LHFPL1: variants seen among roughly 807,000 people sequenced by gnomAD.
The protein encoded by LHFPL1 is LHFPL tetraspan subfamily member 1.
In LHFPL1, 4 loss-of-function variants were observed where a neutral mutation model predicts 12.1. The ratio of observed to expected loss-of-function variants is 0.33; its 90% CI spans 0.16 to 0.76. The LOEUF (loss-of-function observed/expected upper bound fraction) is 0.76, where lower values mean the gene tolerates loss of function less well. Among genes scored for constraint, LHFPL1 ranks in the 30% least tolerant of loss-of-function variants. LHFPL1 has a pLI of 0.61. For missense variants in LHFPL1, 141 were observed against 174.1 expected (o/e 0.81, Z 1.07); for synonymous variants, 52 against 61.9 (o/e 0.84, Z 0.75).
chrX:112,661,987 T>C (rs1237254011), intron 2 of LHFPL1, among the ~76,000 whole-genome samples: 1 of 111,966 alleles, frequency 8.9e-6, no homozygotes, highest in Non-Finnish European at 1.9e-5. Flanking sequence ...GAAACAGACA[T>C]ACCATGAGAA....
intron 3 of LHFPL1, among the ~76,000 whole-genome samples, chrX:112,656,508 C>G (rs755634419): frequency 9.0e-6 from 1 of 111,665 alleles, no homozygotes; most frequent in South Asian, 3.7e-4. Context: ...CCTGGAGGTT[C>G]TTGCAAGGGC....
chrX:112,633,418 C>G (rs1263759761), intron 3 of LHFPL1, among the ~76,000 whole-genome samples: 2 of 112,557 alleles, frequency 1.8e-5, no homozygotes, highest in Non-Finnish European at 3.7e-5. Flanking sequence ...TTGCCTAAAA[C>G]ATTCACTGCA....
intron 3 of LHFPL1, among the ~76,000 whole-genome samples, chrX:112,642,599 G>A (rs1332233943): frequency 9.3e-6 from 1 of 107,947 alleles, no homozygotes; most frequent in East Asian, 3.0e-4. Flanking sequence ...CAGTCATTGA[G>A]CCTACTAGGC....
rs1286609141 is a variant in LHFPL1, at chrX:112,671,339, C to G, written c.52G>C (p.Val18Leu). 4.1e-6 allele frequency: 5 copies of G among 1,210,386 alleles called. No individual in the cohort carries two copies. Among genetic ancestry groups the G allele is most frequent in the Non-Finnish European group, 5.6e-6 (5 of 895,251 alleles). ...VGTLWAFLSL[V>L]TAVTSSTSYF... ...CTGGTAGAACTGGTCACAGCAGTAA[C>G]AAGGGACAGGAAGGCCCAGAGGGTT... The change falls in exon 2 of 4, where the codon GTT becomes CTT. Residue 18 changes from valine (V) to leucine (L), a missense_variant. Physicochemically the swap from Val to Leu is conservative, Grantham distance 32. Transcript: ENST00000371968.
rs200417199 is a variant in LHFPL1 at position 112,634,303 on chromosome X, A to AG, written c.482-2703dup. Among the ~76,000 whole-genome samples the AG allele has an allele frequency of 4.5e-3, 500 of 110,568 alleles. 3 individuals are homozygous for AG. The highest frequency in any genetic ancestry group is 9.3e-3 in the Middle Eastern group (2 of 215). On this transcript the variant is annotated intron_variant, in intron 3 of 3. Transcript: ENST00000371968. Reference sequence around the variant, plus strand: ...GGCCCTTGACCTGTAAGCCCTAAGGAGGGGGGGCTCCTAAGTCAAGTTGTA... The same window carrying AG: ...GGCCCTTGACCTGTAAGCCCTAAGGAGGGGGGGGCTCCTAAGTCAAGTTGTA...
intron 3 of LHFPL1, among the ~76,000 whole-genome samples, chrX:112,656,253 G>T (rs1028893009): frequency 9.0e-6 from 1 of 111,242 alleles, no homozygotes; most frequent in African/African-American, 3.3e-5. Context: ...AAGGATAAAA[G>T]ACAAAAATTA....
intron 3 of LHFPL1, among the ~76,000 whole-genome samples, chrX:112,650,740 T>C (rs965010469): frequency 4.5e-5 from 5 of 111,496 alleles, no homozygotes; most frequent in Non-Finnish European, 9.4e-5. Context: ...ATTGTGCCTA[T>C]TACACTTAAT....
At chrX:112,677,573 A>G (rs917992965) in intron 1 of LHFPL1, among the ~76,000 whole-genome samples, 1 of 110,385 alleles carries the variant, frequency 9.1e-6, no homozygotes, top group Non-Finnish European at 1.9e-5. Context: ...GCTCCAGAGA[A>G]ACGTGTTGGA....
Position 112,655,426 on chromosome X carries a change from T to C in LHFPL1, c.481+5201A>G, listed in dbSNP as rs1170356657. Among the ~76,000 whole-genome samples, 19 of 111,930 alleles carry C rather than the reference T, an allele frequency of 1.7e-4. No individual in the cohort carries two copies. In the Admixed American group the frequency reaches 1.8e-3, roughly 11 times the overall value. On this transcript the variant is annotated intron_variant, in intron 3 of 3. Transcript: ENST00000371968. ...CATTCAAATTAGGACTAAAAAATAG[T>C]GTGGATGGTTTAGGATAACTTGAAT...
At position 112,631,093 on chromosome X, in the gene LHFPL1, C is replaced by A. The variant is rs910101118; in HGVS notation, c.*327G>T. On this transcript the variant is annotated 3_prime_UTR_variant, in exon 4 of 4. Coordinates refer to ENST00000371968, the MANE Select transcript of LHFPL1 (RefSeq NM_178175.4). ...AATGGAGTGGTAGGAACCAGCTCTG[C>A]CCATCTCGTGCTCCCTCCCTGCACA... 5 of 169,568 alleles carry A rather than the reference C, an allele frequency of 2.9e-5. No individual in the cohort carries two copies. Among genetic ancestry groups the A allele is most frequent in the Non-Finnish European group, 4.5e-5 (4 of 89,459 alleles). 14.0% of individuals were successfully genotyped at this position (169,568 alleles called of 1,213,427 possible). A position where few individuals can be genotyped will look rare whatever the true frequency, so the allele number is the denominator to read the frequency against.
At chrX:112,633,493 A>C (rs1448028876) in intron 3 of LHFPL1, among the ~76,000 whole-genome samples, 1 of 112,283 alleles carries the variant, frequency 8.9e-6, no homozygotes, top group Non-Finnish European at 1.9e-5. Context: ...ATAATTCCTC[A>C]GAACTAAACA....
At chrX:112,652,940 T>C (rs1206641077) in intron 3 of LHFPL1, among the ~76,000 whole-genome samples, 1 of 111,836 alleles carries the variant, frequency 8.9e-6, no homozygotes, top group East Asian at 2.8e-4. Context: ...TTCAAGATTG[T>C]AGTTACTTCT....
intron 2 of LHFPL1, among the ~76,000 whole-genome samples, chrX:112,669,893 C>A (rs1931445997): frequency 9.0e-6 from 1 of 111,711 alleles, no homozygotes; most frequent in Non-Finnish European, 1.9e-5. Context: ...CTCATCACTG[C>A]CATCTCACTC....
intron 3 of LHFPL1, among the ~76,000 whole-genome samples, chrX:112,656,346 A>G (rs1348605882): frequency 9.1e-6 from 1 of 109,642 alleles, no homozygotes; most frequent in African/African-American, 3.4e-5. Flanking sequence ...CAAACTAAGA[A>G]TAGAAGGGAA....
intron 3 of LHFPL1, among the ~76,000 whole-genome samples, chrX:112,634,304 G>A (rs947612509): frequency 1.8e-5 from 2 of 109,849 alleles, no homozygotes; most frequent in South Asian, 4.0e-4. Context: ...GCCCTAAGGA[G>A]GGGGGGCTCC....
intron 3 of LHFPL1, among the ~76,000 whole-genome samples, chrX:112,641,746 A>G (rs954602905): frequency 2.2e-4 from 25 of 111,992 alleles, no homozygotes; most frequent in Non-Finnish European, 4.1e-4. Context: ...GAGCTGTAAA[A>G]TACAGATTCC....
intron 3 of LHFPL1, among the ~76,000 whole-genome samples, chrX:112,642,403 C>T (rs1302126651): frequency 9.7e-6 from 1 of 103,238 alleles, no homozygotes; most frequent in African/African-American, 3.5e-5. Flanking sequence ...GACGGGGCTT[C>T]ACCATGTTGC....
intron 3 of LHFPL1, among the ~76,000 whole-genome samples, chrX:112,647,378 G>A (rs1177994413): frequency 8.9e-6 from 1 of 111,779 alleles, no homozygotes; most frequent in African/African-American, 3.3e-5. Flanking sequence ...TATCATCAGA[G>A]TGAACAGGCA....
At chrX:112,641,240 C>T (rs970059702) in intron 3 of LHFPL1, among the ~76,000 whole-genome samples, 1 of 111,788 alleles carries the variant, frequency 8.9e-6, no homozygotes, top group African/African-American at 3.3e-5. Context: ...GAGTTTAGTA[C>T]TTTATCATTT....
Sources: allele counts gnomAD v4.1 joint callset (sites outside exome capture counted in the v4.1 genomes callset), GRCh38; gene constraint gnomAD v4.1.1; transcripts MANE v1.5; gene names NCBI Gene and HGNC (gene_info 2026-07-23, HGNC 2026-07-21).